Variants in FGF12 observed in about 807,000 individuals in gnomAD.
The protein encoded by FGF12 is fibroblast growth factor 12B.
Under a neutral mutation model 23.6 loss-of-function variants are expected in FGF12, and 14 were observed. The ratio of observed to expected loss-of-function variants is 0.59; its 90% CI spans 0.39 to 0.93. FGF12 has a LOEUF of 0.93. Ranked by LOEUF, FGF12 falls within the 40% of genes least tolerant of loss-of-function variation. The pLI is 0.00. For missense variants in FGF12, 175 were observed against 217.8 expected, an observed-to-expected ratio of 0.80 and a Z score of 1.24; for synonymous variants, 62 against 77.3, an observed-to-expected ratio of 0.80 and a Z score of 1.04.
intron 4 of FGF12, among the ~76,000 whole-genome samples, chr3:192,322,290 T>C (rs535277352): frequency 6.6e-6 from 1 of 152,202 alleles, no homozygotes; most frequent in East Asian, 1.9e-4. Flanking sequence ...CAATAAAAAC[T>C]ATAAAATATT....
intron 4 of FGF12, among the ~76,000 whole-genome samples, chr3:192,178,710 C>T (rs755954364): frequency 2.6e-5 from 4 of 152,186 alleles, no homozygotes; most frequent in Non-Finnish European, 5.9e-5. Context: ...GTTGGCCAGA[C>T]GGGTCTCTAA....
intron 4 of FGF12, among the ~76,000 whole-genome samples, chr3:192,212,125 C>G (rs1040139999): frequency 6.6e-6 from 1 of 152,172 alleles, no homozygotes; most frequent in Non-Finnish European, 1.5e-5. Flanking sequence ...CACAGCAGGG[C>G]CTACCTTTAA....
chr3:192,329,715 T>G (rs542575739), intron 4 of FGF12, among the ~76,000 whole-genome samples: 18 of 152,198 alleles, frequency 1.2e-4, no homozygotes. Flanking sequence ...TGTCAAAAAC[T>G]TTTAAAACTC....
chr3:192,201,738 A>G (rs746328976), intron 4 of FGF12, among the ~76,000 whole-genome samples: 1 of 152,234 alleles, frequency 6.6e-6, no homozygotes, highest in Non-Finnish European at 1.5e-5. Context: ...ATGTCTCATT[A>G]GCTTATTGAA....
intron 5 of FGF12, among the ~76,000 whole-genome samples, chr3:192,158,044 T>C (rs1714526138): frequency 6.6e-6 from 1 of 152,182 alleles, no homozygotes; most frequent in Non-Finnish European, 1.5e-5. Flanking sequence ...CTGGTGCCCC[T>C]GCTCTAAGCT....
chr3:192,534,870 G>T (rs1441850750), intron 2 of FGF12, among the ~76,000 whole-genome samples: 1 of 152,024 alleles, frequency 6.6e-6, no homozygotes, highest in East Asian at 1.9e-4. Context: ...TAATATTGGA[G>T]ATTTGGAGAC....
intron 2 of FGF12, among the ~76,000 whole-genome samples, chr3:192,680,257 T>C (rs1179063506): frequency 2.0e-5 from 3 of 151,888 alleles, no homozygotes; most frequent in Non-Finnish European, 4.4e-5. Flanking sequence ...CTAGAAAAAG[T>C]GGGGAATGAT....
At chr3:192,266,630 T>G (rs374594314) in intron 4 of FGF12, among the ~76,000 whole-genome samples, 2 of 152,216 alleles carry the variant, frequency 1.3e-5, no homozygotes, top group African/African-American at 4.8e-5. Context: ...AAAAGAGGCA[T>G]TTAGTGAGAA....
At chr3:192,723,180 T>C (rs1185241115) in intron 2 of FGF12, among the ~76,000 whole-genome samples, 2 of 152,128 alleles carry the variant, frequency 1.3e-5, no homozygotes, top group South Asian at 2.1e-4. Context: ...TTTAGGGTAA[T>C]TGGGGGTTGA....
chr3:192,324,566 T>A (rs567360776), intron 4 of FGF12, among the ~76,000 whole-genome samples: 25 of 152,356 alleles, frequency 1.6e-4, no homozygotes, highest in Admixed American at 1.6e-3. Context: ...TTATTACCCC[T>A]GTTTTACACA....
intron 4 of FGF12, among the ~76,000 whole-genome samples, chr3:192,279,998 T>G (rs747439336): frequency 3.9e-5 from 6 of 152,314 alleles, no homozygotes; most frequent in Non-Finnish European, 8.8e-5. Context: ...ACATAAGAGA[T>G]AGTTTTGAAA....
Position 192,360,794 on chromosome 3 carries a change from T to C in FGF12, c.14-256A>G. ...TTATGATTGGGAAAATACAGAGACA[T>C]GCTAAAAAGTGAGTTATTTTCCTCC... On this transcript the variant is annotated intron_variant, in intron 2 of 5. Coordinates refer to ENST00000445105, the MANE Select transcript of FGF12 (RefSeq NM_004113.6). This position sits in a 1 kb window ranked among gnomAD's most constrained non-coding sequence, Gnocchi z 4.3. The C allele has an allele frequency of 4.3e-6, 2 of 463,996 alleles. No individual in the cohort carries two copies. The highest frequency in any genetic ancestry group is 7.8e-6 in the Non-Finnish European group (2 of 255,660). The allele number at this position is 463,996 out of a possible 1,614,324, so 28.7% of individuals were successfully genotyped here.
At chr3:192,441,607 A>T (rs1250920929) in intron 2 of FGF12, among the ~76,000 whole-genome samples, 1 of 152,208 alleles carries the variant, frequency 6.6e-6, no homozygotes, top group African/African-American at 2.4e-5. Flanking sequence ...GTTCATTTCC[A>T]GTATGAAAAG....
At chr3:192,167,754 TATATATATATATATAAA>T (rs1460927056) in intron 5 of FGF12, among the ~76,000 whole-genome samples, 6 of 28,338 alleles carry the variant, frequency 2.1e-4, no homozygotes, top group South Asian at 1.5e-3. Context: ...TATATATATA[TATATATATATATATAAA>T]ATTTTTTTTT....
At position 192,514,642 on chromosome 3, in the gene FGF12, G is replaced by C; in HGVS notation, c.14-154104C>G. On this transcript the variant is annotated intron_variant, in intron 2 of 5. Coordinates refer to ENST00000445105, the MANE Select transcript of FGF12 (RefSeq NM_004113.6). The surrounding 1 kb of genome is among the most constrained non-coding windows in gnomAD (Gnocchi z 4.9). ...AAGGGGGCATTCTGCAGTGTTTGGG[G>C]GCTGGGGAAAGAACATTTTCTCACC... 1.0e-6 allele frequency: 1 copy of C among 961,610 alleles called. No individual in the cohort carries two copies. The highest frequency in any genetic ancestry group is 1.2e-6 in the Non-Finnish European group (1 of 808,344). 59.6% of individuals were successfully genotyped at this position (961,610 alleles called of 1,614,324 possible).
rs150142455 is a variant in FGF12 at position 192,303,400 on chromosome 3, A to C, written c.228+31961T>G. ...AGTCAGAAATGCCTGCTTGGTTGGC[A>C]GCTGCTGAGAGATAGCAACTCCTCC... On this transcript the variant is annotated intron_variant, in intron 4 of 5. Transcript: ENST00000445105. Among the ~76,000 whole-genome samples, 172 of 152,278 alleles carry C rather than the reference A, an allele frequency of 1.1e-3. 1 individual carries two copies. The highest frequency in any genetic ancestry group is 3.9e-3 in the African/African-American group (163 of 41,556).
chr3:192,376,513 T>C (rs1719514163), intron 2 of FGF12, among the ~76,000 whole-genome samples: 1 of 151,818 alleles, frequency 6.6e-6, no homozygotes, highest in South Asian at 2.1e-4. Context: ...CAGGCATGTG[T>C]CACCACGCCC....
intron 2 of FGF12, among the ~76,000 whole-genome samples, chr3:192,567,801 C>CTTT (rs1315183581): frequency 2.9e-5 from 3 of 103,984 alleles, no homozygotes; most frequent in Non-Finnish European, 6.3e-5. Context: ...TTCTTTCTTT[C>CTTT]TCTTTCTTTC....
chr3:192,205,889 T>C (rs1013121118), intron 4 of FGF12, among the ~76,000 whole-genome samples: 12 of 152,138 alleles, frequency 7.9e-5, no homozygotes, highest in Admixed American at 2.6e-4. Flanking sequence ...CGCATGGCTA[T>C]GCATATTGAA....
Sources: allele counts gnomAD v4.1 joint callset (sites outside exome capture counted in the v4.1 genomes callset), GRCh38; gene constraint gnomAD v4.1.1; non-coding constraint Gnocchi (gnomAD v3.1); transcripts MANE v1.5; gene names NCBI Gene and HGNC (gene_info 2026-07-23, HGNC 2026-07-21).